LMO7: variants seen among roughly 807,000 people sequenced by gnomAD.
LMO7 encodes the protein LIM domain 7, also known as LIM domain only protein 7.
In LMO7, 120 loss-of-function variants were observed where a neutral mutation model predicts 206.5. The ratio of observed to expected loss-of-function variants is 0.58; its 90% CI spans 0.50 to 0.68. The LOEUF is 0.68. Ranked by LOEUF, LMO7 falls within the 30% of genes least tolerant of loss-of-function variation. LMO7 has a pLI of 0.00. For missense variants in LMO7, 1,959 were observed against 1,957.9 expected (o/e 1.00, Z -0.01); for synonymous variants, 706 against 681.5 (o/e 1.04, Z -0.56).
intron 4 of LMO7, among the ~76,000 whole-genome samples, chr13:75,780,692 G>A (rs1428269941): frequency 6.6e-6 from 1 of 152,194 alleles, no homozygotes; most frequent in Non-Finnish European, 1.5e-5. Flanking sequence ...ATTGACTGGG[G>A]AAGTGATAAA....
rs557637244 is a variant in LMO7, at chr13:75,728,141, T to C, written c.210+1043T>C. 5.3e-5 allele frequency among the ~76,000 whole-genome samples: 8 copies of C among 152,296 alleles called. No individual in the cohort carries two copies. In the East Asian group the frequency reaches 7.7e-4, roughly 15 times the overall value. On this transcript the variant is annotated intron_variant, in intron 3 of 30. Coordinates refer to ENST00000377534, the MANE Select transcript of LMO7 (RefSeq NM_001306080.2). ...TATAATCCTTTGGGTATATACCCAG[T>C]AATGGGATTGCTGGGTCAAATGGTA... is the stretch of plus-strand genomic sequence containing the variant.
chr13:75,841,332 A>T, intron 23 of LMO7, 131 bp downstream of exon 23: 1 of 650,488 alleles, frequency 1.5e-6, no homozygotes, highest in South Asian at 2.1e-5. Context: ...TTTGAAAAAT[A>T]CAATGAGCTC....
intron 11 of LMO7, 144 bp downstream of exon 11, chr13:75,809,327 C>T: frequency 1.5e-6 from 1 of 662,834 alleles, no homozygotes. Context: ...GTTTATCTTG[C>T]AACCTAATGG....
intron 5 of LMO7, among the ~76,000 whole-genome samples, chr13:75,796,295 A>G (rs1165918520): frequency 2.0e-5 from 3 of 152,222 alleles, no homozygotes; most frequent in African/African-American, 7.2e-5. Context: ...TTAGGTGATC[A>G]TTCTGTAAGT....
chr13:75,688,597 T>C (rs2041209059), intron 1 of LMO7: 1 of 152,464 alleles, frequency 6.6e-6, no homozygotes, highest in Non-Finnish European at 1.5e-5. Flanking sequence ...ATTCTTTGCA[T>C]TAACCCCCCA....
chr13:75,732,263 A>G (rs1317346686), intron 3 of LMO7, among the ~76,000 whole-genome samples: 1 of 152,180 alleles, frequency 6.6e-6, no homozygotes, highest in Non-Finnish European at 1.5e-5. Context: ...CAGGTACACC[A>G]GTCAGACATA....
chr13:75,770,359 A>C (rs982314124), intron 4 of LMO7, among the ~76,000 whole-genome samples: 5 of 152,014 alleles, frequency 3.3e-5, no homozygotes, highest in African/African-American at 1.2e-4. Context: ...GTTTGGCTAG[A>C]GCCTCACATA....
chr13:75,742,972 C>A (rs543839575), intron 3 of LMO7, among the ~76,000 whole-genome samples: 1 of 152,118 alleles, frequency 6.6e-6, no homozygotes, highest in Non-Finnish European at 1.5e-5. Context: ...GCAAACTATG[C>A]ATCTGACAAA....
intron 1 of LMO7, chr13:75,689,155 A>T (rs1387253383): frequency 6.6e-6 from 1 of 152,186 alleles, no homozygotes; most frequent in African/African-American, 2.4e-5. Flanking sequence ...AGAATTCATT[A>T]CATCACTTCA....
chr13:75,747,224 C>T (rs2046917377), intron 3 of LMO7, among the ~76,000 whole-genome samples: 1 of 152,058 alleles, frequency 6.6e-6, no homozygotes, highest in African/African-American at 2.4e-5. Context: ...CATTTTAAAC[C>T]TTTATCCATG....
At chr13:75,850,743 A>G (rs758923559) in intron 27 of LMO7, among the ~76,000 whole-genome samples, 12 of 152,084 alleles carry the variant, frequency 7.9e-5, no homozygotes, top group Non-Finnish European at 1.6e-4. Flanking sequence ...GTAAGCTTTT[A>G]TGTATAAGGA....
At chr13:75,693,137 C>CT (rs1258869287) in intron 1 of LMO7, among the ~76,000 whole-genome samples, 4 of 152,098 alleles carry the variant, frequency 2.6e-5, no homozygotes, top group African/African-American at 7.2e-5. Context: ...ATTATCTGGC[C>CT]TTTTTTTGGT....
At chr13:75,760,667 T>C in intron 3 of LMO7, 1 of 1,509,320 alleles carries the variant, frequency 6.6e-7, no homozygotes, top group Non-Finnish European at 8.8e-7. Flanking sequence ...CTGTAACAGG[T>C]AATGTTTAAC....
upstream of LMO7, among the ~76,000 whole-genome samples, chr13:75,633,841 CTTTTTTTT>C (rs60769000): frequency 3.7e-4 from 24 of 64,708 alleles, no homozygotes; most frequent in Admixed American, 1.6e-3. Flanking sequence ...GTGTCTTTTC[CTTTTTTTT>C]TTTTTTTTTT....
chr13:75,702,364 G>T (rs73225945), intron 1 of LMO7, among the ~76,000 whole-genome samples: 10,107 of 152,198 alleles, frequency 0.066, 693 homozygotes, highest in African/African-American at 0.17. Context: ...AGGCAGAAGG[G>T]TAGGAGAAAT....
Position 75,855,377 on chromosome 13 carries a change from G to A in LMO7, c.4770+9G>A. 6.4e-7 allele frequency: 1 copy of A among 1,570,804 alleles called. No homozygotes were observed. The highest frequency in any genetic ancestry group is 1.3e-5 in the African/African-American group (1 of 74,174). The stretch of plus-strand genomic sequence containing the variant: ...ATTTGCATTGTTTTAAGGTGAGACT[G>A]AGACAAACAGCTTGCAGGCCTGCAA... On this transcript the variant is annotated intron_variant, in intron 29 of 30. Coordinates refer to ENST00000377534, the MANE Select transcript of LMO7 (RefSeq NM_001306080.2).
At chr13:75,684,547 CTT>C (rs374482530) in intron 1 of LMO7, among the ~76,000 whole-genome samples, 16 of 128,910 alleles carry the variant, frequency 1.2e-4, no homozygotes, top group East Asian at 2.3e-4. Flanking sequence ...GCCCGGCCGG[CTT>C]TTTTTTTTTT....
intron 2 of LMO7, among the ~76,000 whole-genome samples, chr13:75,726,133 A>C (rs2044451506): frequency 1.3e-5 from 2 of 151,938 alleles, no homozygotes; most frequent in African/African-American, 4.8e-5. Context: ...GAATAGGAAA[A>C]TTAGTTTCAA....
chr13:75,855,224 G>C (rs1375798173), intron 28 of LMO7, 36 bp from the exon 29 acceptor site: 3 of 1,324,886 alleles, frequency 2.3e-6, no homozygotes, highest in Non-Finnish European at 3.3e-6. Context: ...AGCTGCCCAG[G>C]TGAAAGCCTC....
Sources: allele counts gnomAD v4.1 joint callset (sites outside exome capture counted in the v4.1 genomes callset), GRCh38; gene constraint gnomAD v4.1.1; transcripts MANE v1.5; gene names NCBI Gene and HGNC (gene_info 2026-07-23, HGNC 2026-07-21).